The following ZNF892 variants were observed in gnomAD, a reference collection of about 807,000 sequenced individuals.
ZNF892 encodes the protein zinc finger protein 570-like.
At chr2:95,233,792 G>A in the ZNF892 span, among the ~76,000 whole-genome samples, 2 of 147,158 alleles carry the variant, frequency 1.4e-5, no homozygotes, top group African/African-American at 5.0e-5. Context: ...GAGTCACCAC[G>A]CCTGGCCCTC....
chr2:95,227,926 A>T, the ZNF892 span, among the ~76,000 whole-genome samples: 1 of 152,196 alleles, frequency 6.6e-6, no homozygotes, highest in South Asian at 2.1e-4. Flanking sequence ...CATAATCGCA[A>T]TGCTGTTATT....
At chr2:95,245,870 A>G in the ZNF892 span, among the ~76,000 whole-genome samples, 1 of 152,218 alleles carries the variant, frequency 6.6e-6, no homozygotes, top group Non-Finnish European at 1.5e-5. Flanking sequence ...TGAGGCAGTA[A>G]TAAGTAGCCT....
chr2:95,256,650 A>G, the ZNF892 span, among the ~76,000 whole-genome samples: 2 of 152,340 alleles, frequency 1.3e-5, no homozygotes, highest in South Asian at 2.1e-4. Flanking sequence ...TCTCCTGGAT[A>G]ATATCCTGCA....
chr2:95,256,166 T>C, the ZNF892 span, among the ~76,000 whole-genome samples: 1 of 152,242 alleles, frequency 6.6e-6, no homozygotes, highest in Non-Finnish European at 1.5e-5. Flanking sequence ...CTTCCTAGCC[T>C]TGATGGTCTT....
the ZNF892 span, chr2:95,232,108 C>T: frequency 1.3e-5 from 2 of 152,254 alleles, no homozygotes; most frequent in African/African-American, 4.8e-5. Context: ...TGTAAGCTTC[C>T]CCGAAATGGA....
the ZNF892 span, among the ~76,000 whole-genome samples, chr2:95,246,656 C>T: frequency 6.6e-6 from 1 of 152,186 alleles, no homozygotes; most frequent in Non-Finnish European, 1.5e-5. Context: ...GCAACTTCAG[C>T]AAAGTCTCAG....
the ZNF892 span, among the ~76,000 whole-genome samples, chr2:95,244,103 C>T: frequency 4.6e-4 from 69 of 150,690 alleles, no homozygotes; most frequent in South Asian, 0.014. Context: ...GGATTAAGGG[C>T]GGTGCAAGAT....
At chr2:95,243,451 C>G in the ZNF892 span, among the ~76,000 whole-genome samples, 1 of 151,598 alleles carries the variant, frequency 6.6e-6, no homozygotes, top group Non-Finnish European at 1.5e-5. Context: ...TGAGGAGCAT[C>G]TCTGCCCGGC....
chr2:95,253,576 T>G, the ZNF892 span, among the ~76,000 whole-genome samples: 1 of 152,222 alleles, frequency 6.6e-6, no homozygotes, highest in African/African-American at 2.4e-5. Context: ...GGCTCTTTTT[T>G]GGTTCCATAT....
At chr2:95,247,700 C>T in the ZNF892 span, among the ~76,000 whole-genome samples, 1 of 152,050 alleles carries the variant, frequency 6.6e-6, no homozygotes, top group East Asian at 1.9e-4. Flanking sequence ...AGACACTTCT[C>T]AAAAAAAGAC....
chr2:95,218,453 C>CT, the ZNF892 span, among the ~76,000 whole-genome samples: 812 of 149,888 alleles, frequency 5.4e-3, 8 homozygotes, highest in African/African-American at 0.018. Flanking sequence ...CAAGAACCAC[C>CT]TTTTTTTTTT....
chr2:95,223,399 G>C, the ZNF892 span, among the ~76,000 whole-genome samples: 11 of 151,686 alleles, frequency 7.3e-5, no homozygotes, highest in Admixed American at 6.6e-5. Flanking sequence ...GGTTTTTTTG[G>C]GGGGGAGGAG....
chr2:95,235,446 C>A, the ZNF892 span, among the ~76,000 whole-genome samples: 2 of 151,722 alleles, frequency 1.3e-5, no homozygotes, highest in Non-Finnish European at 2.9e-5. Context: ...ACTGCAACCT[C>A]CACCTCTCGG....
the ZNF892 span, among the ~76,000 whole-genome samples, chr2:95,228,589 G>T: frequency 3.9e-5 from 6 of 152,148 alleles, no homozygotes; most frequent in East Asian, 1.9e-4. Flanking sequence ...TGAATATCTT[G>T]GCTCCTAACA....
the ZNF892 span, chr2:95,208,502 G>C: frequency 2.5e-6 from 1 of 396,348 alleles, no homozygotes; most frequent in Non-Finnish European, 4.4e-6. Context: ...CAATGGTCAA[G>C]GTGTCTTGAT....
chr2:95,220,887 T>C, the ZNF892 span, among the ~76,000 whole-genome samples: 3 of 152,238 alleles, frequency 2.0e-5, no homozygotes, highest in Non-Finnish European at 4.4e-5. Flanking sequence ...TATTTGTATT[T>C]TTGTTTGAAA....
the ZNF892 span, among the ~76,000 whole-genome samples, chr2:95,247,128 C>A: frequency 3.9e-5 from 6 of 152,108 alleles, no homozygotes; most frequent in Non-Finnish European, 8.8e-5. Context: ...CTGCAGTAAC[C>A]AAAACAGTAT....
At chr2:95,213,157 G>A in the ZNF892 span, among the ~76,000 whole-genome samples, 3 of 152,004 alleles carry the variant, frequency 2.0e-5, no homozygotes, top group Non-Finnish European at 4.4e-5. Flanking sequence ...TAACTTTTTT[G>A]CCTTCTCTGT....
chr2:95,209,594 C>A, the ZNF892 span, among the ~76,000 whole-genome samples: 1 of 152,162 alleles, frequency 6.6e-6, no homozygotes, highest in Non-Finnish European at 1.5e-5. Flanking sequence ...GGCCTAACAG[C>A]ATACAGGTAC....
Sources: gnomAD v4.1 joint callset for allele counts (sites outside exome capture counted in the v4.1 genomes callset) on GRCh38, gnomAD v4.1.1 for gene constraint, MANE v1.5 for transcripts, NCBI Gene and HGNC (gene_info 2026-07-23, HGNC 2026-07-21) for gene names.